CLASP2: variants seen among roughly 807,000 people sequenced by gnomAD.
CLASP2 encodes the protein CLIP-associating protein 2.
A neutral mutation model predicts 194.4 loss-of-function variants in CLASP2; 47 were observed. The observed-to-expected ratio is 0.24, with a 90% CI of 0.19 to 0.31. CLASP2 has a LOEUF of 0.31. CLASP2 is among the 10% of genes least tolerant of loss of function. CLASP2 has a pLI of 1.00. For synonymous variants in CLASP2, 619 were observed against 633.5 expected (o/e 0.98, Z 0.34); for missense variants, 1,445 against 1,823.6 (o/e 0.79, Z 3.78).
At chr3:33,706,524 GA>G (rs1320640843) in intron 1 of CLASP2, among the ~76,000 whole-genome samples, 1 of 152,020 alleles carries the variant, frequency 6.6e-6, no homozygotes, top group African/African-American at 2.4e-5. Flanking sequence ...ACAAAACTCT[GA>G]AAAATACAGT....
At chr3:33,640,195 TAA>T (rs1202893879) in intron 8 of CLASP2, among the ~76,000 whole-genome samples, 2 of 152,154 alleles carry the variant, frequency 1.3e-5, no homozygotes, top group Non-Finnish European at 2.9e-5. Context: ...ATTCCAGAAT[TAA>T]AAAACAAAAT....
intron 6 of CLASP2, among the ~76,000 whole-genome samples, chr3:33,682,277 T>A (rs2089977175): frequency 6.6e-6 from 1 of 152,184 alleles, no homozygotes; most frequent in Admixed American, 6.5e-5. Flanking sequence ...TAGAGTGTGA[T>A]GATGGTATTG....
chr3:33,521,236 C>A (rs2052993327), intron 34 of CLASP2, among the ~76,000 whole-genome samples: 1 of 151,982 alleles, frequency 6.6e-6, no homozygotes. Flanking sequence ...TAAAAAATTT[C>A]CTAAATAAAT....
intron 9 of CLASP2, among the ~76,000 whole-genome samples, chr3:33,630,584 G>A (rs1188848954): frequency 6.6e-6 from 1 of 151,940 alleles, no homozygotes; most frequent in Non-Finnish European, 1.5e-5. Flanking sequence ...TTCTAATCAA[G>A]GCAAGAACAT....
chr3:33,565,509 TTATTA>T (rs1251405648), intron 27 of CLASP2, among the ~76,000 whole-genome samples: 3 of 152,050 alleles, frequency 2.0e-5, no homozygotes, highest in African/African-American at 7.2e-5. Flanking sequence ...CTAGTTTACT[TTATTA>T]TAATAATACA....
At chr3:33,657,981 C>CA (rs1421168694) in intron 7 of CLASP2, among the ~76,000 whole-genome samples, 1 of 151,738 alleles carries the variant, frequency 6.6e-6, no homozygotes, top group Admixed American at 6.6e-5. Context: ...AAGAACCTGG[C>CA]AAAAAAACAC....
At chr3:33,714,026 A>G (rs112385019) in intron 1 of CLASP2, among the ~76,000 whole-genome samples, 10 of 152,332 alleles carry the variant, frequency 6.6e-5, no homozygotes, top group African/African-American at 1.9e-4. Flanking sequence ...TACCAGGTCT[A>G]TGGCCTAAAG....
chr3:33,691,883 A>C (rs1408109312), intron 2 of CLASP2, among the ~76,000 whole-genome samples: 1 of 152,204 alleles, frequency 6.6e-6, no homozygotes, highest in African/African-American at 2.4e-5. Flanking sequence ...TTAATAATTT[A>C]TACTGGCCAG....
At chr3:33,564,790 T>C (rs1351136951) in intron 27 of CLASP2, among the ~76,000 whole-genome samples, 16 of 152,066 alleles carry the variant, frequency 1.1e-4, no homozygotes, top group Non-Finnish European at 1.5e-5. Flanking sequence ...GGGTCTACCT[T>C]TGTTGTCCAG....
intron 21 of CLASP2, among the ~76,000 whole-genome samples, chr3:33,589,532 C>A (rs552036820): frequency 6.6e-6 from 1 of 152,000 alleles, no homozygotes; most frequent in South Asian, 2.1e-4. Context: ...CAAAAGAATT[C>A]GGAATGGAAC....
intron 21 of CLASP2, among the ~76,000 whole-genome samples, chr3:33,591,324 T>C (rs1451262489): frequency 6.6e-6 from 1 of 152,194 alleles, no homozygotes; most frequent in African/African-American, 2.4e-5. Context: ...AATAATGCCA[T>C]AAATGAGGCC....
At chr3:33,692,571 A>G (rs2091469858) in intron 2 of CLASP2, among the ~76,000 whole-genome samples, 2 of 152,204 alleles carry the variant, frequency 1.3e-5, no homozygotes, top group South Asian at 2.1e-4. Context: ...ACCAGTTACT[A>G]ATTACAAAAC....
At chr3:33,709,194 T>A (rs778220178) in intron 1 of CLASP2, among the ~76,000 whole-genome samples, 16 of 152,228 alleles carry the variant, frequency 1.1e-4, no homozygotes, top group Non-Finnish European at 1.8e-4. Flanking sequence ...AAGTCAAGGA[T>A]ATTTCCCCCT....
intron 1 of CLASP2, among the ~76,000 whole-genome samples, chr3:33,714,251 T>C (rs2093178978): frequency 6.6e-6 from 1 of 152,180 alleles, no homozygotes; most frequent in Non-Finnish European, 1.5e-5. Context: ...ATTTGAGAAC[T>C]CCTGAAATTG....
intron 12 of CLASP2, among the ~76,000 whole-genome samples, chr3:33,618,582 G>T (rs2076600463): frequency 6.6e-6 from 1 of 152,158 alleles, no homozygotes; most frequent in Non-Finnish European, 1.5e-5. Flanking sequence ...GGGCGGCAGA[G>T]GTTGCAGTGA....
intron 22 of CLASP2, among the ~76,000 whole-genome samples, chr3:33,582,616 T>G (rs954906149): frequency 2.6e-5 from 4 of 152,040 alleles, no homozygotes; most frequent in Admixed American, 1.3e-4. Flanking sequence ...CTATGATCAT[T>G]CACTGCACTC....
intron 16 of CLASP2, among the ~76,000 whole-genome samples, chr3:33,605,938 C>A (rs528583454): frequency 2.0e-5 from 3 of 152,170 alleles, no homozygotes; most frequent in Admixed American, 2.0e-4. Context: ...AGCTGCTCTT[C>A]CCTGGGGGAA....
chr3:33,661,204 T>C (rs1243965528), intron 7 of CLASP2, among the ~76,000 whole-genome samples: 1 of 152,216 alleles, frequency 6.6e-6, no homozygotes, highest in East Asian at 1.9e-4. Flanking sequence ...ATTTCCTCCA[T>C]TACCAACTGT....
intron 9 of CLASP2, among the ~76,000 whole-genome samples, chr3:33,630,262 G>T (rs1246565631): frequency 6.6e-6 from 1 of 152,072 alleles, no homozygotes; most frequent in South Asian, 2.1e-4. Flanking sequence ...GCATATGTAC[G>T]AATAATTCCT....
Sources: gnomAD v4.1 joint callset for allele counts (sites outside exome capture counted in the v4.1 genomes callset) on GRCh38, gnomAD v4.1.1 for gene constraint, MANE v1.5 for transcripts, NCBI Gene and HGNC (gene_info 2026-07-23, HGNC 2026-07-21) for gene names.